Variants in MARCHF1 observed in about 807,000 individuals in gnomAD.
MARCHF1 encodes the protein E3 ubiquitin-protein ligase MARCHF1.
In MARCHF1, 40 loss-of-function variants were observed where a neutral mutation model predicts 54.2. The ratio of observed to expected loss-of-function variants is 0.74; its 90% confidence interval spans 0.57 to 0.96. The LOEUF (loss-of-function observed/expected upper bound fraction) is 0.96, where lower values mean the gene tolerates loss of function less well. MARCHF1 is among the 40% of genes least tolerant of loss of function. The probability of loss-of-function intolerance (pLI) is 0.00; values close to 1 mark genes in which losing one functional copy is unlikely to be tolerated. For synonymous variants in MARCHF1, 236 were observed against 236.3 expected, an observed-to-expected ratio of 1.00 and a Z score of 0.01; for missense variants, 586 against 656.5, an observed-to-expected ratio of 0.89 and a Z score of 1.17.
intron 2 of MARCHF1, among the ~76,000 whole-genome samples, chr4:164,074,380 G>A (rs1336554136): frequency 6.6e-6 from 1 of 152,098 alleles, no homozygotes; most frequent in Non-Finnish European, 1.5e-5. Context: ...CATTTCCAGA[G>A]TATGTAACAG....
chr4:163,653,902 G>A (rs1165174742), intron 5 of MARCHF1, among the ~76,000 whole-genome samples: 1 of 151,590 alleles, frequency 6.6e-6, no homozygotes, highest in African/African-American at 2.4e-5. Flanking sequence ...TTATATAAAT[G>A]GTGTTTTAAA....
At chr4:163,727,660 G>T (rs1451471728) in intron 4 of MARCHF1, among the ~76,000 whole-genome samples, 1 of 148,728 alleles carries the variant, frequency 6.7e-6, no homozygotes, top group African/African-American at 2.5e-5. Flanking sequence ...TGCACCATTT[G>T]TTGAAAAGGT....
intron 3 of MARCHF1, among the ~76,000 whole-genome samples, chr4:163,918,972 A>C (rs1349290417): frequency 6.6e-6 from 1 of 151,950 alleles, no homozygotes; most frequent in Admixed American, 6.6e-5. Context: ...AGAAATGTAA[A>C]TTTTTCTTTG....
In MARCHF1 at chr4:164,241,783, G is replaced by A. The variant is rs1732763791; in HGVS notation, c.-322-130121C>T. Among the ~76,000 whole-genome samples the A allele has an allele frequency of 2.0e-5, 3 of 152,202 alleles. No homozygotes were observed. In the South Asian group the frequency reaches 6.2e-4, roughly 32 times the overall value. On this transcript the variant is annotated intron_variant, in intron 1 of 9. Coordinates refer to ENST00000514618, the MANE Select transcript of MARCHF1 (RefSeq NM_001394959.1). Reference sequence around the variant, plus strand: ...CAGTGGGTGCGCGCACAGTGCGCGAGCCGAAGCAGGGCGAGGCATTGCCTC... The same window carrying A: ...CAGTGGGTGCGCGCACAGTGCGCGAACCGAAGCAGGGCGAGGCATTGCCTC...
intron 1 of MARCHF1, among the ~76,000 whole-genome samples, chr4:164,345,401 A>G (rs1363631921): frequency 3.3e-5 from 5 of 151,948 alleles, no homozygotes; most frequent in African/African-American, 1.2e-4. Context: ...TCCCTGTCCT[A>G]TCTCTACTAA....
At chr4:163,831,956 T>C (rs1398560855) in intron 4 of MARCHF1, among the ~76,000 whole-genome samples, 2 of 152,172 alleles carry the variant, frequency 1.3e-5, no homozygotes, top group Admixed American at 1.3e-4. Context: ...GGCAGGGCCA[T>C]TGATGGCTCT....
intron 3 of MARCHF1, among the ~76,000 whole-genome samples, chr4:163,873,018 TGGG>T (rs1560797968): frequency 6.0e-4 from 91 of 151,422 alleles, no homozygotes; most frequent in African/African-American, 2.1e-3. Flanking sequence ...CACTCCAGCC[TGGG>T]CGACAGAGCG....
intron 1 of MARCHF1, among the ~76,000 whole-genome samples, chr4:164,306,025 A>T (rs72989602): frequency 0.086 from 13,159 of 152,188 alleles, 1,344 homozygotes; most frequent in African/African-American, 0.24. Context: ...GTTACGAATA[A>T]TTCTCACTAA....
At chr4:163,707,636 AT>A (rs1306438783) in intron 4 of MARCHF1, among the ~76,000 whole-genome samples, 1 of 151,970 alleles carries the variant, frequency 6.6e-6, no homozygotes, top group Non-Finnish European at 1.5e-5. Context: ...CTGCAATATC[AT>A]TGAAAAAACA....
In MARCHF1 at chr4:164,161,171, C is replaced by T. The variant is rs912948628; in HGVS notation, c.-322-49509G>A. ...AGATTTCTCATTAATGGCTTAGCAT[C>T]ATCACCCTTGGTTCTGTCCTCGTGA... On this transcript the variant is annotated intron_variant, in intron 1 of 9. Transcript: ENST00000514618. Among the ~76,000 whole-genome samples the T allele has an allele frequency of 3.4e-4, 52 of 152,264 alleles. 1 individual carries two copies. The highest frequency in any genetic ancestry group is 2.4e-3 in the Admixed American group (36 of 15,288).
intron 3 of MARCHF1, among the ~76,000 whole-genome samples, chr4:163,975,428 T>C (rs1347124111): frequency 1.3e-5 from 2 of 152,048 alleles, no homozygotes; most frequent in Admixed American, 1.3e-4. Context: ...GAAAGAAAAT[T>C]TCAGTTTTCA....
intron 4 of MARCHF1, among the ~76,000 whole-genome samples, chr4:163,792,696 C>T (rs553914957): frequency 6.6e-6 from 1 of 152,168 alleles, no homozygotes; most frequent in East Asian, 1.9e-4. Flanking sequence ...ATGTAATTTT[C>T]TATATATGGA....
intron 1 of MARCHF1, among the ~76,000 whole-genome samples, chr4:164,347,587 G>A (rs1317854203): frequency 6.6e-6 from 1 of 152,046 alleles, no homozygotes; most frequent in African/African-American, 2.4e-5. Flanking sequence ...TAATTATTTA[G>A]TTCTAAGATA....
intron 1 of MARCHF1, among the ~76,000 whole-genome samples, chr4:164,279,938 C>A (rs540897641): frequency 3.5e-4 from 53 of 151,738 alleles, no homozygotes; most frequent in African/African-American, 1.2e-3. Flanking sequence ...AAATACCCAA[C>A]TAAGTATGTA....
chr4:164,144,524 A>G (rs1162546798), intron 1 of MARCHF1, among the ~76,000 whole-genome samples: 1 of 152,090 alleles, frequency 6.6e-6, no homozygotes, highest in Non-Finnish European at 1.5e-5. Context: ...ATCTCACTCA[A>G]AACTGCGCAA....
chr4:164,110,079 T>C (rs1431860035), intron 2 of MARCHF1, among the ~76,000 whole-genome samples: 7 of 150,816 alleles, frequency 4.6e-5, no homozygotes, highest in Non-Finnish European at 8.9e-5. Context: ...AGTTTTAATG[T>C]TGTTGTTATT....
chr4:163,625,073 T>A (rs1741823189), intron 5 of MARCHF1, among the ~76,000 whole-genome samples: 1 of 152,212 alleles, frequency 6.6e-6, no homozygotes. Context: ...TCAGCAATTC[T>A]TTTTAATTCC....
intron 4 of MARCHF1, among the ~76,000 whole-genome samples, chr4:163,851,678 C>A (rs1749645278): frequency 6.6e-6 from 1 of 152,156 alleles, no homozygotes; most frequent in Non-Finnish European, 1.5e-5. Context: ...GGGCTAGATG[C>A]CCACTAATTC....
intron 1 of MARCHF1, among the ~76,000 whole-genome samples, chr4:164,211,380 A>G (rs1731770422): frequency 6.8e-6 from 1 of 147,890 alleles, no homozygotes. Flanking sequence ...GCATATTTGT[A>G]TATATATACA....
Sources: allele counts gnomAD v4.1 joint callset (sites outside exome capture counted in the v4.1 genomes callset), GRCh38; gene constraint gnomAD v4.1.1; transcripts MANE v1.5; gene names NCBI Gene and HGNC (gene_info 2026-07-23, HGNC 2026-07-21).